The following FBXO11 variants were observed in gnomAD, a reference collection of about 807,000 sequenced individuals.
FBXO11 encodes F-box protein 11, also known as F-box only protein 11.
A neutral mutation model predicts 117.0 loss-of-function variants in FBXO11; 13 were observed. That is an observed-to-expected ratio of 0.11 (90% confidence interval 0.07 to 0.18). The LOEUF (loss-of-function observed/expected upper bound fraction) is 0.18. Among genes scored for constraint, FBXO11 ranks in the 10% least tolerant of loss-of-function variants. The pLI is 1.00. For synonymous variants in FBXO11, 490 were observed against 380.5 expected (o/e 1.29, Z -3.35); for missense variants, 767 against 1,164.4 (o/e 0.66, Z 4.97).
chr2:47,844,773 T>C (rs1394105684), intron 1 of FBXO11, among the ~76,000 whole-genome samples: 2 of 152,068 alleles, frequency 1.3e-5, no homozygotes, highest in African/African-American at 4.8e-5. Flanking sequence ...CACCTCAGTT[T>C]ACAGGTGTGC....
At chr2:47,852,484 G>A (rs1208218459) in intron 1 of FBXO11, among the ~76,000 whole-genome samples, 3 of 152,148 alleles carry the variant, frequency 2.0e-5, no homozygotes, top group African/African-American at 7.2e-5. Context: ...TTGTTCTACT[G>A]ACAGGCAGTT....
chr2:47,848,573 T>C (rs1673600349), intron 1 of FBXO11, among the ~76,000 whole-genome samples: 2 of 152,234 alleles, frequency 1.3e-5, no homozygotes, highest in South Asian at 4.1e-4. Context: ...AAAAGTATGC[T>C]ATTTGCACAC....
rs868474006 is a variant in FBXO11 at position 47,859,758 on chromosome 2, C to T, written c.233-19989G>A. ...ATATTTCCAAACCCAATTATGTTGT[C>T]TTTTAAGACAAGGATATTCTTAAAA... On this transcript the variant is annotated intron_variant, in intron 1 of 22. Coordinates refer to ENST00000403359, the MANE Select transcript of FBXO11 (RefSeq NM_001190274.2). Among the ~76,000 whole-genome samples the T allele has an allele frequency of 5.9e-5, 9 of 152,232 alleles. No homozygotes were observed. In the South Asian group the frequency reaches 6.2e-4, roughly 11 times the overall value.
At chr2:47,861,014 C>A (rs1674728355) in intron 1 of FBXO11, among the ~76,000 whole-genome samples, 1 of 151,930 alleles carries the variant, frequency 6.6e-6, no homozygotes, top group African/African-American at 2.4e-5. Context: ...CTACGTCCAG[C>A]TAAGTTTGTA....
Position 47,880,630 on chromosome 2 carries a change from A to C in FBXO11, c.232+24859T>G, listed in dbSNP as rs377188811. On this transcript the variant is annotated intron_variant, in intron 1 of 22. Coordinates refer to ENST00000403359, the MANE Select transcript of FBXO11 (RefSeq NM_001190274.2). ...TCCATTTCTCCTTGTATTTTTGGTT[A>C]TTTCTGCTTCACCAAGTTTGCTATG... Among the ~76,000 whole-genome samples, 13 of 152,172 alleles carry C rather than the reference A, an allele frequency of 8.5e-5. No individual in the cohort carries two copies. The East Asian group carries it at 2.3e-3, about 27-fold the overall frequency.
rs762319753 is a variant in FBXO11, at chr2:47,905,678, A to C, written c.43T>G (p.Ser15Ala). 6.6e-7 allele frequency: 1 copy of C among 1,507,444 alleles called. No individual in the cohort carries two copies. The highest frequency in any genetic ancestry group is 1.2e-5 in the South Asian group (1 of 82,038). The allele number at this position is 1,507,444 out of a possible 1,614,324, so 93.4% of individuals were successfully genotyped here. A position where few individuals can be genotyped will look rare whatever the true frequency, so the allele number is the denominator to read the frequency against. The change falls in exon 1 of 23, where the codon TCG (serine) becomes GCG (alanine). Residue 15 changes from serine (S) to alanine (A), a missense_variant. By Grantham distance (99) the Ser-to-Ala change is moderately conservative (BLOSUM62 1). Around this residue, in one of 10 missense-constraint regions of FBXO11, gnomAD observed 355 missense variants for 299.8 expected, o/e 1.18. Coordinates refer to ENST00000403359, the MANE Select transcript of FBXO11 (RefSeq NM_001190274.2). Reference sequence around the variant, plus strand: ...TGTTGCTGCACCGGGCGCGGCCGCGACACTCGCCTGGGTCTCCGGTTGGCG... The same window carrying C: ...TGTTGCTGCACCGGGCGCGGCCGCGCCACTCGCCTGGGTCTCCGGTTGGCG... ...RAANRRPRRV[S>A]RPRPVQQQQQ... is the part of the protein sequence containing the mutation.
intron 1 of FBXO11, among the ~76,000 whole-genome samples, chr2:47,855,301 A>G (rs1000310083): frequency 5.3e-5 from 8 of 152,012 alleles, no homozygotes; most frequent in Admixed American, 4.6e-4. Flanking sequence ...CTGGAGCTCA[A>G]GTGATCCTCC....
chr2:47,901,878 C>A (rs1276313712), intron 1 of FBXO11, among the ~76,000 whole-genome samples: 1 of 152,214 alleles, frequency 6.6e-6, no homozygotes, highest in Non-Finnish European at 1.5e-5. Flanking sequence ...AAAATCCAAT[C>A]CCACACTACT....
At chr2:47,838,154 G>A (rs1672733984) in intron 4 of FBXO11, among the ~76,000 whole-genome samples, 1 of 151,644 alleles carries the variant, frequency 6.6e-6, no homozygotes, top group Admixed American at 6.6e-5. Context: ...AATGGCTTGA[G>A]CCCAGAGGGT....
chr2:47,825,039 A>C (rs1237978515), intron 11 of FBXO11, among the ~76,000 whole-genome samples: 1 of 152,180 alleles, frequency 6.6e-6, no homozygotes, highest in Non-Finnish European at 1.5e-5. Flanking sequence ...TAACTTCTGG[A>C]GCATGTATGT....
intron 1 of FBXO11, among the ~76,000 whole-genome samples, chr2:47,863,155 C>T (rs1029924089): frequency 3.3e-5 from 5 of 151,450 alleles, no homozygotes; most frequent in Non-Finnish European, 7.4e-5. Flanking sequence ...GCCTTCAAAT[C>T]TATTTCAATA....
chr2:47,896,998 T>A (rs554048983), intron 1 of FBXO11, among the ~76,000 whole-genome samples: 1 of 152,348 alleles, frequency 6.6e-6, no homozygotes, highest in South Asian at 2.1e-4. Flanking sequence ...TTTATTCACT[T>A]CTAATTCCCT....
intron 1 of FBXO11, among the ~76,000 whole-genome samples, chr2:47,881,776 C>T (rs1477569089): frequency 1.3e-5 from 2 of 151,558 alleles, no homozygotes; most frequent in Non-Finnish European, 2.9e-5. Context: ...GACAGAGTCT[C>T]GCTCTATCAC....
intron 1 of FBXO11, among the ~76,000 whole-genome samples, chr2:47,879,418 C>G (rs574771044): frequency 6.6e-6 from 1 of 152,296 alleles, no homozygotes; most frequent in South Asian, 2.1e-4. Context: ...GCTTCACAAC[C>G]AATGGAGTAT....
At chr2:47,834,946 T>C (rs925943131) in intron 5 of FBXO11, 75 bp from the exon 6 acceptor site, 6 of 997,066 alleles carry the variant, frequency 6.0e-6, no homozygotes, top group African/African-American at 3.3e-5. Flanking sequence ...TACAATTGCA[T>C]GAACAACTTT....
intron 1 of FBXO11, among the ~76,000 whole-genome samples, chr2:47,867,175 T>G (rs1675261868): frequency 6.6e-6 from 1 of 152,218 alleles, no homozygotes. Context: ...GATAGGCTAG[T>G]TTAAGCTGCA....
At chr2:47,871,885 G>A (rs1428707925) in intron 1 of FBXO11, among the ~76,000 whole-genome samples, 2 of 152,010 alleles carry the variant, frequency 1.3e-5, no homozygotes, top group Non-Finnish European at 2.9e-5. Flanking sequence ...CCAATACTGG[G>A]GATAATCTGT....
chr2:47,833,591 C>G (rs879594671), intron 7 of FBXO11, among the ~76,000 whole-genome samples: 4 of 152,152 alleles, frequency 2.6e-5, no homozygotes, highest in Non-Finnish European at 5.9e-5. Flanking sequence ...GTTCTATGTA[C>G]TGTATCCTCA....
intron 22 of FBXO11, 37 bp from the exon 23 acceptor site, chr2:47,808,284 G>C (rs1012824432): frequency 1.2e-6 from 2 of 1,612,516 alleles, no homozygotes; most frequent in Non-Finnish European, 1.7e-6. Context: ...AGAAAAGTGA[G>C]GGGGAAAGTA....
Sources: allele counts gnomAD v4.1 joint callset (sites outside exome capture counted in the v4.1 genomes callset), GRCh38; gene constraint gnomAD v4.1.1; regional missense constraint gnomAD v4.1.1; transcripts MANE v1.5; gene names NCBI Gene and HGNC (gene_info 2026-07-23, HGNC 2026-07-21).